The following ATP7B variants were observed in gnomAD, a reference collection of about 807,000 sequenced individuals.
ATP7B encodes ATPase copper transporting beta, also known as copper-transporting ATPase 2.
Under a neutral mutation model 118.9 loss-of-function variants are expected in ATP7B, and 113 were observed. The observed-to-expected ratio is 0.95, with a 90% CI of 0.82 to 1.11. ATP7B has a LOEUF of 1.11. ATP7B is among the 50% of genes most tolerant of loss of function. The pLI is 0.00. For synonymous variants in ATP7B, 777 were observed against 727.4 expected (o/e 1.07, Z -1.10); for missense variants, 1,867 against 1,871.4 (o/e 1.00, Z 0.04).
chr13:51,953,510 TAAATTA>T (rs1391307794), intron 9 of ATP7B, among the ~76,000 whole-genome samples: 1 of 152,224 alleles, frequency 6.6e-6, no homozygotes, highest in African/African-American at 2.4e-5. Flanking sequence ...TCCTTTGATC[TAAATTA>T]ACCACATCTT....
At chr13:51,967,057 A>G (rs1207688967) in intron 4 of ATP7B, 8 of 1,607,256 alleles carry the variant, frequency 5.0e-6, no homozygotes, top group Admixed American at 1.7e-5. Flanking sequence ...GAAGGAAAGC[A>G]CAATAACAAG....
chr13:51,985,370 T>G (rs1439227001), intron 1 of ATP7B, among the ~76,000 whole-genome samples: 1 of 152,190 alleles, frequency 6.6e-6, no homozygotes, highest in Admixed American at 6.5e-5. Context: ...GAGCTAACTA[T>G]CCTAAATATA....
intron 17 of ATP7B, among the ~76,000 whole-genome samples, chr13:51,938,614 G>A (rs895157111): frequency 1.3e-5 from 2 of 152,176 alleles, no homozygotes; most frequent in African/African-American, 4.8e-5. Context: ...GCCATCCAGT[G>A]GTGCTGTCCT....
intron 7 of ATP7B, 91 bp from the exon 8 acceptor site, chr13:51,958,635 C>T (rs1252123584): frequency 3.6e-6 from 4 of 1,124,980 alleles, no homozygotes; most frequent in African/African-American, 3.1e-5. Flanking sequence ...ATGGCAAAGC[C>T]TCTAGCTTTG....
intron 19 of ATP7B, among the ~76,000 whole-genome samples, chr13:51,937,012 C>T (rs1028227872): frequency 1.3e-5 from 2 of 151,758 alleles, no homozygotes; most frequent in African/African-American, 4.8e-5. Context: ...AATAAGGCCA[C>T]AATAAAATAG....
In ATP7B at chr13:51,964,946, G is replaced by A. The variant is rs1399318736; in HGVS notation, c.1795C>T (p.Leu599Phe). Residue 599 changes from leucine to phenylalanine, a missense_variant, in exon 5 of 21, where the codon CTT becomes TTT. Leu to Phe is a conservative substitution (Grantham distance 22, BLOSUM62 0). Transcript: ENST00000242839. Reference sequence around the variant, plus strand: ...TTAACAAGGGCTTTGCTGGTGGCAAGGGCAACGGAGGCATAAGTGATGCCA... The same window carrying A: ...TTAACAAGGGCTTTGCTGGTGGCAAAGGCAACGGAGGCATAAGTGATGCCA... ...TNGITYASVA[L>F]ATSKALVKFD... 1 of 1,614,162 alleles carries A rather than the reference G, an allele frequency of 6.2e-7. No homozygotes were observed. Among genetic ancestry groups the A allele is most frequent in the Non-Finnish European group, 8.5e-7 (1 of 1,180,014 alleles).
Position 51,958,379 on chromosome 13 carries a change from A to T in ATP7B, c.2287T>A (p.Phe763Ile). The change falls in exon 8 of 21, where the codon TTC becomes ATC. Residue 763 changes from phenylalanine (F) to isoleucine (I), a missense_variant. Physicochemically the swap from Phe to Ile is conservative, Grantham distance 21. Coordinates refer to ENST00000242839, the MANE Select transcript of ATP7B (RefSeq NM_000053.4). ...AAGAGCATGGGGGGCGTGTCGAAGA[A>T]TGTCACAGGGCTCCTCTCCGCCTTC... ...AEKAERSPVT[F>I]FDTPPMLFVF... is the part of the protein sequence containing the mutation. 1 of 1,614,200 alleles carries T rather than the reference A, an allele frequency of 6.2e-7. No individual in the cohort carries two copies. The highest frequency in any genetic ancestry group is 8.5e-7 in the Non-Finnish European group (1 of 1,180,034).
rs768729972 is a variant in ATP7B at position 51,958,500 on chromosome 13, C to CA, written c.2165dup (p.Arg723GlufsTer32). 8.1e-6 allele frequency: 13 copies of CA among 1,614,130 alleles called. No individual in the cohort carries two copies. Among genetic ancestry groups the CA allele is most frequent in the South Asian group, 1.1e-5 (1 of 91,072 alleles). On this transcript the variant is annotated frameshift_variant, in exon 8 of 21. Coordinates refer to ENST00000242839, the MANE Select transcript of ATP7B (RefSeq NM_000053.4). LOFTEE classifies it high-confidence loss of function. Reference sequence around the variant, plus strand: ...CGTCCATGTTGGCTGACCTGTGTCTCAGAGATTTGTAGGCCTGAACGTAGA... The same window carrying CA: ...CGTCCATGTTGGCTGACCTGTGTCTCAAGAGATTTGTAGGCCTGAACGTAGA...
chr13:51,973,878 T>C (rs1303524180), intron 2 of ATP7B, 57 bp downstream of exon 2: 4 of 1,611,694 alleles, frequency 2.5e-6, no homozygotes, highest in Non-Finnish European at 2.5e-6. Context: ...CCAGGAGCTA[T>C]AAGACACAAA....
At chr13:51,948,383 G>C (rs931223552) in intron 12 of ATP7B, among the ~76,000 whole-genome samples, 1 of 152,098 alleles carries the variant, frequency 6.6e-6, no homozygotes, top group Non-Finnish European at 1.5e-5. Context: ...CCAAGTAGCT[G>C]AGTCTACAGG....
intron 11 of ATP7B, 50 bp from the exon 12 acceptor site, chr13:51,949,846 A>G: frequency 6.2e-7 from 1 of 1,613,432 alleles, no homozygotes; most frequent in African/African-American, 1.3e-5. Context: ...CTATGAAGAA[A>G]TAAAACACCA....
chr13:51,937,747 T>C, intron 17 of ATP7B, 68 bp from the exon 18 acceptor site: 1 of 1,562,044 alleles, frequency 6.4e-7, no homozygotes, highest in Non-Finnish European at 8.8e-7. Flanking sequence ...AACCTCAAGT[T>C]ACCCTTGCCC....
At chr13:51,997,952 C>T (rs9535827) in intron 1 of ATP7B, among the ~76,000 whole-genome samples, 3,406 of 152,284 alleles carry the variant, frequency 0.022, 71 homozygotes, top group Middle Eastern at 0.041. Context: ...ATCTAAGAGA[C>T]GTGTGGAACA....
Position 51,950,049 on chromosome 13 carries a change from CA to C in ATP7B, c.2687del (p.Leu896TrpfsTer5). Reference protein sequence around the residue: ...KATHVGNDTTLAQIVKLVEEA... With the variant: ...KATHVGNDTTXAQIVKLVEEA... ...CTTCCACCAGTTTCACAATCTGAGC[CA>C]AAGTGGTGTCATTGCCCACGTGGGT... On this transcript the variant is annotated frameshift_variant, in exon 11 of 21. Transcript: ENST00000242839. LOFTEE classifies it high-confidence loss of function. 6.2e-7 allele frequency: 1 copy of C among 1,614,184 alleles called. No individual in the cohort carries two copies. Among genetic ancestry groups the C allele is most frequent in the Non-Finnish European group, 8.5e-7 (1 of 1,180,032 alleles).
rs1476381647 is a variant in ATP7B, at chr13:51,974,116, C to G, written c.1104G>C (p.Met368Ile). Reference protein sequence around the residue: ...CSTTLIAIAGMTCASCVHSIE... With the variant: ...CSTTLIAIAGITCASCVHSIE... ...TGGAATGGACACAGGATGCACAGGT[C>G]ATGCCGGCAATGGCAATCAGAGTGG... Residue 368 changes from methionine (M) to isoleucine (I), a missense_variant, in exon 2 of 21, where the codon ATG becomes ATC. Transcript: ENST00000242839. 6.2e-7 allele frequency: 1 copy of G among 1,613,886 alleles called. No homozygotes were observed. The highest frequency in any genetic ancestry group is 1.1e-5 in the South Asian group (1 of 91,086).
chr13:51,942,627 G>A, intron 14 of ATP7B, 73 bp from the exon 15 acceptor site: 1 of 1,579,948 alleles, frequency 6.3e-7, no homozygotes. Context: ...GGGCAGGCAG[G>A]ACAGGGACAC....
intron 15 of ATP7B, among the ~76,000 whole-genome samples, chr13:51,941,775 C>T (rs931372237): frequency 6.6e-6 from 1 of 152,166 alleles, no homozygotes; most frequent in Admixed American, 6.5e-5. Context: ...GAAAGGCCAT[C>T]CTGGGGTTTT....
At chr13:51,938,382 G>A (rs1924609) in intron 17 of ATP7B, among the ~76,000 whole-genome samples, 86,303 of 152,098 alleles carry the variant, frequency 0.57, 24,627 homozygotes, top group Middle Eastern at 0.64. Context: ...GTGGTGCTTC[G>A]TAAGTGCCTG....
Position 51,933,277 on chromosome 13 carries a change from C to T in ATP7B, c.*1479G>A, listed in dbSNP as rs966629866. On this transcript the variant is annotated 3_prime_UTR_variant, in exon 21 of 21. Transcript: ENST00000242839. ...ACTGCTTGTCCATTGGCTATGTCAT[C>T]CTGGGCAAAGTCCTCAGCCTCTTGG... 2 of 152,230 alleles carry T rather than the reference C, an allele frequency of 1.3e-5. No individual in the cohort carries two copies. The highest frequency in any genetic ancestry group is 2.9e-5 in the Non-Finnish European group (2 of 68,056). The allele number at this position is 152,230 out of a possible 1,614,324, so 9.4% of individuals were successfully genotyped here.
Sources: gnomAD v4.1 joint callset for allele counts (sites outside exome capture counted in the v4.1 genomes callset) on GRCh38, gnomAD v4.1.1 for gene constraint, MANE v1.5 for transcripts, NCBI Gene and HGNC (gene_info 2026-07-23, HGNC 2026-07-21) for gene names.